The following SRSF11 variants were observed in gnomAD, a reference collection of about 807,000 sequenced individuals.
SRSF11 encodes serine/arginine-rich splicing factor 11.
A neutral mutation model predicts 56.0 loss-of-function variants in SRSF11; 9 were observed. The observed-to-expected ratio is 0.16, with a 90% CI of 0.10 to 0.28. The LOEUF (loss-of-function observed/expected upper bound fraction) is 0.28. SRSF11 is among the 10% of genes least tolerant of loss of function. The pLI, the probability that SRSF11 is intolerant of heterozygous loss-of-function variation, is 1.00. For missense variants in SRSF11, 421 were observed against 600.7 expected, an observed-to-expected ratio of 0.70 and a Z score of 3.13; for synonymous variants, 222 against 215.3, an observed-to-expected ratio of 1.03 and a Z score of -0.27.
intron 1 of SRSF11, among the ~76,000 whole-genome samples, chr1:70,208,632 C>T (rs1669276014): frequency 6.7e-6 from 1 of 148,996 alleles, no homozygotes; most frequent in Non-Finnish European, 1.5e-5. Flanking sequence ...GCCACCGCAC[C>T]CAGCTGCTGT....
chr1:70,206,860 T>G (rs1035093209), intron 1 of SRSF11, among the ~76,000 whole-genome samples: 2 of 150,948 alleles, frequency 1.3e-5, no homozygotes, highest in Non-Finnish European at 3.0e-5. Context: ...GTTGTTACCC[T>G]ACTAAAAAAG....
chr1:70,242,604 C>T (rs1675734462), intron 7 of SRSF11, among the ~76,000 whole-genome samples: 1 of 151,964 alleles, frequency 6.6e-6, no homozygotes, highest in Admixed American at 6.6e-5. Context: ...GAGTCCAGCC[C>T]AGTTGTAGTA....
At chr1:70,231,278 T>G in intron 2 of SRSF11, 1 of 1,179,012 alleles carries the variant, frequency 8.5e-7, no homozygotes, top group Non-Finnish European at 1.1e-6. Flanking sequence ...ATATGTAGTT[T>G]AATTGTATTA....
intron 1 of SRSF11, among the ~76,000 whole-genome samples, chr1:70,225,702 C>T (rs914422747): frequency 1.3e-5 from 2 of 152,098 alleles, no homozygotes; most frequent in Admixed American, 6.5e-5. Context: ...TCAGAGGACA[C>T]GTAAGAACTG....
chr1:70,232,525 A>G, intron 3 of SRSF11, 148 bp downstream of exon 3: 1 of 614,676 alleles, frequency 1.6e-6, no homozygotes, highest in South Asian at 2.2e-5. Context: ...ATAGTATAGA[A>G]GATCTCTTAG....
Position 70,246,892 on chromosome 1 carries a change from C to A in SRSF11, c.1007C>A (p.Ser336Tyr). 1 of 1,606,320 alleles carries A rather than the reference C, an allele frequency of 6.2e-7. No homozygotes were observed. The highest frequency in any genetic ancestry group is 8.5e-7 in the Non-Finnish European group (1 of 1,177,096). ...PPKSYSTARR[S>Y]RSASRERRRR... ...AAAAGTTACAGCACAGCCAGACGTT[C>A]TAGAAGTGCAAGCAGGTAAGGTGGC... The change falls in exon 9 of 12, where the codon TCT becomes TAT. Residue 336 changes from serine to tyrosine, a missense_variant. Transcript: ENST00000370949.
chr1:70,229,096 G>A, intron 2 of SRSF11: 1 of 1,150,998 alleles, frequency 8.7e-7, no homozygotes, highest in South Asian at 1.8e-5. Context: ...GTGCCAAATG[G>A]GCACTGGGTG....
chr1:70,243,881 G>A (rs1269903228), intron 7 of SRSF11, among the ~76,000 whole-genome samples: 6 of 152,106 alleles, frequency 3.9e-5, no homozygotes, highest in African/African-American at 7.2e-5. Context: ...AAACCCCATC[G>A]CTTAAAAGAT....
Position 70,252,499 on chromosome 1 carries a change from T to G in SRSF11, c.*1694T>G, listed in dbSNP as rs1678094187. On this transcript the variant is annotated 3_prime_UTR_variant, in exon 12 of 12. Transcript: ENST00000370949. ...TATAAATAGGGTTTTGTTTTGTTTT[T>G]TTTAACCTAAAAACTGAAATGCCAT... The G allele has an allele frequency of 6.6e-6, 1 of 152,150 alleles. No individual in the cohort carries two copies. The highest frequency in any genetic ancestry group is 6.5e-5 in the Admixed American group (1 of 15,274). The allele number at this position is 152,150 out of a possible 1,614,324, so 9.4% of individuals were successfully genotyped here.
chr1:70,242,537 C>T (rs936883758), intron 7 of SRSF11, among the ~76,000 whole-genome samples: 12 of 151,046 alleles, frequency 7.9e-5, no homozygotes, highest in Middle Eastern at 3.4e-3. Context: ...CTCCTGAGCT[C>T]GAGCTGTTTG....
chr1:70,207,743 AGAG>A (rs1669183127), intron 1 of SRSF11, among the ~76,000 whole-genome samples: 1 of 147,302 alleles, frequency 6.8e-6, no homozygotes, highest in African/African-American at 2.5e-5. Context: ...TTTTTTTTTA[AGAG>A]ACCAGGTCTC....
chr1:70,222,306 C>T (rs1229310590), intron 1 of SRSF11, among the ~76,000 whole-genome samples: 2 of 152,116 alleles, frequency 1.3e-5, no homozygotes, highest in African/African-American at 2.4e-5. Context: ...TCTGGCCCAG[C>T]AATATAATTC....
intron 1 of SRSF11, among the ~76,000 whole-genome samples, chr1:70,207,876 A>C (rs945435695): frequency 1.3e-5 from 2 of 151,912 alleles, no homozygotes; most frequent in African/African-American, 4.8e-5. Context: ...CACCATGCCC[A>C]GCTAATTGTT....
At chr1:70,221,934 G>A in intron 1 of SRSF11, 95 bp downstream of exon 1, 1 of 1,523,202 alleles carries the variant, frequency 6.6e-7, no homozygotes, top group Non-Finnish European at 8.8e-7. Context: ...TGCTTCCCCG[G>A]GCCAGGCTGC....
At chr1:70,212,887 C>T (rs1307953497) in intron 1 of SRSF11, among the ~76,000 whole-genome samples, 1 of 151,308 alleles carries the variant, frequency 6.6e-6, no homozygotes, top group African/African-American at 2.4e-5. Flanking sequence ...GCTGTCTGTA[C>T]AAAAAGTTTA....
At chr1:70,219,695 C>A (rs965426838), upstream of SRSF11, among the ~76,000 whole-genome samples, 1 of 152,160 alleles carries the variant, frequency 6.6e-6, no homozygotes, top group Non-Finnish European at 1.5e-5. Flanking sequence ...CTTTAAAATT[C>A]TGAAAAGTCT....
chr1:70,224,444 T>A (rs967520920), intron 1 of SRSF11, among the ~76,000 whole-genome samples: 1 of 152,194 alleles, frequency 6.6e-6, no homozygotes, highest in African/African-American at 2.4e-5. Flanking sequence ...TTTTTTTCTA[T>A]AGCACCTGTC....
chr1:70,227,387 G>T (rs897047625), intron 1 of SRSF11, among the ~76,000 whole-genome samples: 3 of 151,860 alleles, frequency 2.0e-5, no homozygotes, highest in African/African-American at 7.3e-5. Flanking sequence ...TTGTACCCTG[G>T]GTGCATAAAA....
At chr1:70,230,867 T>C (rs748056105) in intron 2 of SRSF11, 2 of 1,175,934 alleles carry the variant, frequency 1.7e-6, no homozygotes, top group South Asian at 1.7e-5. Context: ...CCATAATCTT[T>C]GTAGGTTTGT....
Sources: allele counts gnomAD v4.1 joint callset (sites outside exome capture counted in the v4.1 genomes callset), GRCh38; gene constraint gnomAD v4.1.1; transcripts MANE v1.5; gene names NCBI Gene and HGNC (gene_info 2026-07-23, HGNC 2026-07-21).